Variants in IQCH observed in about 807,000 individuals in gnomAD.
IQCH encodes the protein IQ motif containing H, also known as IQ domain-containing protein H.
IQCH carries 98 observed loss-of-function variants against 117.0 expected under a neutral mutation model. The ratio of observed to expected loss-of-function variants is 0.84; its 90% CI spans 0.71 to 0.99. The LOEUF is 0.99. Ranked by LOEUF, IQCH falls within the 50% of genes least tolerant of loss-of-function variation. The pLI, the probability that IQCH is intolerant of heterozygous loss-of-function variation, is 0.00. For synonymous variants in IQCH, 412 were observed against 448.2 expected, an observed-to-expected ratio of 0.92 and a Z score of 1.02; for missense variants, 1,102 against 1,243.8, an observed-to-expected ratio of 0.89 and a Z score of 1.72.
chr15:67,295,513 G>A (rs1461879604), intron 4 of IQCH, among the ~76,000 whole-genome samples: 1 of 152,060 alleles, frequency 6.6e-6, no homozygotes, highest in Non-Finnish European at 1.5e-5. Context: ...ACTCTATCTA[G>A]CAGCCATCTT....
Position 67,474,817 on chromosome 15 carries a change from T to G in IQCH, c.2677-879T>G, listed in dbSNP as rs142752881. ...TTCAAAAGCCACTGTAGCCAGGTGA[T>G]AAAGGTTAACATCATCAGTGATAAG... is the stretch of plus-strand genomic sequence containing the variant. On this transcript the variant is annotated intron_variant, in intron 17 of 20. Transcript: ENST00000335894. This position sits in a 1 kb window ranked among gnomAD's most constrained non-coding sequence, Gnocchi z 4.1. Among the ~76,000 whole-genome samples, 1 of 152,312 alleles carries G rather than the reference T, an allele frequency of 6.6e-6. No homozygotes were observed. The highest frequency in any genetic ancestry group is 2.4e-5 in the African/African-American group (1 of 41,572).
intron 17 of IQCH, among the ~76,000 whole-genome samples, chr15:67,469,042 C>A (rs1461830313): frequency 6.6e-6 from 1 of 152,082 alleles, no homozygotes; most frequent in Non-Finnish European, 1.5e-5. Flanking sequence ...TTTGAGCTTC[C>A]TTTATTTAGC....
chr15:67,297,658 A>G (rs533711734), intron 4 of IQCH, among the ~76,000 whole-genome samples: 1 of 152,086 alleles, frequency 6.6e-6, no homozygotes, highest in African/African-American at 2.4e-5. Flanking sequence ...ATTTTCCCCA[A>G]TTGTCTTTAA....
intron 4 of IQCH, among the ~76,000 whole-genome samples, chr15:67,332,245 A>T (rs989081770): frequency 2.6e-5 from 4 of 152,202 alleles, no homozygotes; most frequent in African/African-American, 9.7e-5. Context: ...ATACAAATAT[A>T]TTTTAGTTAA....
intron 1 of IQCH, 143 bp downstream of exon 1, chr15:67,255,090 C>G: frequency 1.3e-6 from 1 of 760,688 alleles, no homozygotes; most frequent in South Asian, 1.6e-5. Context: ...CCCAAAAATG[C>G]CCACCCAGAC....
chr15:67,277,524 C>T (rs1245321756), intron 3 of IQCH, among the ~76,000 whole-genome samples: 2 of 141,360 alleles, frequency 1.4e-5, no homozygotes, highest in African/African-American at 2.6e-5. Context: ...GAGTTTCCTC[C>T]AGTATCTTTT....
chr15:67,462,336 G>A (rs1217484917), intron 16 of IQCH, among the ~76,000 whole-genome samples: 2 of 151,328 alleles, frequency 1.3e-5, no homozygotes, highest in African/African-American at 4.9e-5. Context: ...GGCTGAGGCA[G>A]AGAATTGCTT....
intron 4 of IQCH, among the ~76,000 whole-genome samples, chr15:67,293,187 T>G (rs1966807870): frequency 6.6e-6 from 1 of 152,248 alleles, no homozygotes; most frequent in Non-Finnish European, 1.5e-5. Context: ...TGATAAGTAC[T>G]AATCAACCTC....
In IQCH at chr15:67,340,452, A is replaced by C. The variant is rs7167347; in HGVS notation, c.508+3357A>C. On this transcript the variant is annotated intron_variant, in intron 5 of 20. Transcript: ENST00000335894. Reference sequence around the variant, plus strand: ...AAAAAAAAAAAAAAAAAAAAAAAAAAAAAAAAAAAAAACAGTAACTTGTCA... The same window carrying C: ...AAAAAAAAAAAAAAAAAAAAAAAAACAAAAAAAAAAAACAGTAACTTGTCA... 4.7e-3 allele frequency among the ~76,000 whole-genome samples: 546 copies of C among 116,212 alleles called. 9 individuals are homozygous for C. The highest frequency in any genetic ancestry group is 0.022 in the East Asian group (42 of 1,878). 76.2% of individuals were successfully genotyped at this position (116,212 alleles called of 152,430 possible). A position where few individuals can be genotyped will look rare whatever the true frequency, so the allele number is the denominator to read the frequency against.
chr15:67,293,190 T>C (rs1162862243), intron 4 of IQCH, among the ~76,000 whole-genome samples: 1 of 152,254 alleles, frequency 6.6e-6, no homozygotes, highest in Non-Finnish European at 1.5e-5. Context: ...TAAGTACTAA[T>C]CAACCTCTAT....
chr15:67,412,982 C>A (rs1185673285), intron 14 of IQCH, among the ~76,000 whole-genome samples: 1 of 151,918 alleles, frequency 6.6e-6, no homozygotes. Context: ...TGAATGAGAT[C>A]ATGAATGTGA....
chr15:67,330,417 A>G (rs1223282565), intron 4 of IQCH, among the ~76,000 whole-genome samples: 2 of 152,204 alleles, frequency 1.3e-5, no homozygotes, highest in Non-Finnish European at 2.9e-5. Context: ...AGAGCTAGGA[A>G]TCCAGTCCAG....
At chr15:67,312,869 T>C (rs1280719454) in intron 4 of IQCH, among the ~76,000 whole-genome samples, 1 of 152,176 alleles carries the variant, frequency 6.6e-6, no homozygotes, top group Non-Finnish European at 1.5e-5. Context: ...TATTGCTGTG[T>C]TCTCCAGTAT....
intron 4 of IQCH, among the ~76,000 whole-genome samples, chr15:67,281,380 C>G (rs1966349613): frequency 6.6e-6 from 1 of 152,092 alleles, no homozygotes; most frequent in Non-Finnish European, 1.5e-5. Flanking sequence ...GACCCAACAT[C>G]CTAATAAGTT....
chr15:67,344,906 A>T (rs1969319980), intron 6 of IQCH, among the ~76,000 whole-genome samples: 1 of 152,234 alleles, frequency 6.6e-6, no homozygotes, highest in Non-Finnish European at 1.5e-5. Context: ...TTGCAATTTA[A>T]ATGTCAAGAC....
At chr15:67,268,841 A>G (rs1596066060) in intron 3 of IQCH, among the ~76,000 whole-genome samples, 1 of 152,310 alleles carries the variant, frequency 6.6e-6, no homozygotes, top group East Asian at 1.9e-4. Context: ...GTGGTAATCT[A>G]TGTGAGGGGC....
intron 6 of IQCH, among the ~76,000 whole-genome samples, chr15:67,345,679 G>C (rs1216919574): frequency 3.9e-5 from 6 of 152,134 alleles, no homozygotes. Flanking sequence ...TGAAAACAGG[G>C]AAAGACTGAC....
At chr15:67,264,837 GCT>G (rs146114667) in intron 3 of IQCH, among the ~76,000 whole-genome samples, 5 of 149,710 alleles carry the variant, frequency 3.3e-5, no homozygotes, top group South Asian at 2.1e-4. Context: ...TAGCTCACTC[GCT>G]CTCTCTCTCT....
rs1315986015 is a variant in IQCH at position 67,255,066 on chromosome 15, A to G, written c.51+119A>G. 6.1e-6 allele frequency: 6 copies of G among 991,604 alleles called. No homozygotes were observed. In the African/African-American group the frequency reaches 6.4e-5, roughly 11 times the overall value. The allele number at this position is 991,604 out of a possible 1,614,324, so 61.4% of individuals were successfully genotyped here. A position where few individuals can be genotyped will look rare whatever the true frequency, so the allele number is the denominator to read the frequency against. On this transcript the variant is annotated intron_variant, in intron 1 of 20. Coordinates refer to ENST00000335894, the MANE Select transcript of IQCH (RefSeq NM_001031715.3). ...GTGCGCCGCCCCTAGACTCCCTCCAACTCGCGAGAGGCTCCCAAAAATGCC... is the reference window on the plus strand; with the variant it reads ...GTGCGCCGCCCCTAGACTCCCTCCAGCTCGCGAGAGGCTCCCAAAAATGCC...
Sources: gnomAD v4.1 joint callset for allele counts (sites outside exome capture counted in the v4.1 genomes callset) on GRCh38, gnomAD v4.1.1 for gene constraint, Gnocchi (gnomAD v3.1) non-coding constraint, MANE v1.5 for transcripts, NCBI Gene and HGNC (gene_info 2026-07-23, HGNC 2026-07-21) for gene names.